The following KLHL29 variants were observed in gnomAD, a reference collection of about 807,000 sequenced individuals.
KLHL29 encodes the protein kelch-like protein 29.
KLHL29 carries 21 observed loss-of-function variants against 80.4 expected under a neutral mutation model. The ratio of observed to expected loss-of-function variants is 0.26; its 90% CI spans 0.19 to 0.38. KLHL29 has a LOEUF of 0.38. KLHL29 is among the 10% of genes least tolerant of loss of function. The probability of loss-of-function intolerance (pLI) is 1.00; values close to 1 mark genes in which losing one functional copy is unlikely to be tolerated. For synonymous variants in KLHL29, 511 were observed against 526.8 expected (o/e 0.97, Z 0.41); for missense variants, 867 against 1,223.9 (o/e 0.71, Z 4.35).
chr2:23,537,142 G>T (rs549213554), intron 2 of KLHL29, among the ~76,000 whole-genome samples: 10 of 152,128 alleles, frequency 6.6e-5, no homozygotes, highest in Non-Finnish European at 1.2e-4. Flanking sequence ...ATTTGCATTT[G>T]TCCTGAGTTC....
chr2:23,449,222 A>G (rs1274453530), intron 1 of KLHL29, among the ~76,000 whole-genome samples: 3 of 152,110 alleles, frequency 2.0e-5, no homozygotes, highest in Admixed American at 1.3e-4. Flanking sequence ...GCTCTAGTCC[A>G]TGTGTCTGTA....
At chr2:23,543,130 T>C (rs1263409169) in intron 2 of KLHL29, among the ~76,000 whole-genome samples, 2 of 152,068 alleles carry the variant, frequency 1.3e-5, no homozygotes, top group Admixed American at 1.3e-4. Flanking sequence ...CTGCGCCTCA[T>C]CCTCCTCTGC....
chr2:23,705,073 C>G (rs970692036), intron 13 of KLHL29, among the ~76,000 whole-genome samples: 1 of 152,242 alleles, frequency 6.6e-6, no homozygotes, highest in Non-Finnish European at 1.5e-5. Flanking sequence ...AGCCATACTT[C>G]CATGTCATGT....
intron 3 of KLHL29, among the ~76,000 whole-genome samples, chr2:23,598,571 A>G (rs1668486922): frequency 6.6e-6 from 1 of 152,180 alleles, no homozygotes; most frequent in Non-Finnish European, 1.5e-5. Flanking sequence ...CATAGTCACA[A>G]AAAGAACTGA....
intron 6 of KLHL29, among the ~76,000 whole-genome samples, chr2:23,685,024 G>A (rs575585193): frequency 4.6e-5 from 7 of 152,332 alleles, no homozygotes; most frequent in Admixed American, 2.6e-4. Flanking sequence ...AGGTGCCCCC[G>A]GGGCTGCTTT....
chr2:23,576,043 G>A lies in KLHL29; in HGVS notation c.285+13562G>A, dbSNP rs902844170. 4.6e-5 allele frequency among the ~76,000 whole-genome samples: 7 copies of A among 152,212 alleles called. No homozygotes were observed. The South Asian group carries it at 1.0e-3, about 22-fold the overall frequency. On this transcript the variant is annotated intron_variant, in intron 3 of 13. Coordinates refer to ENST00000486442, the MANE Select transcript of KLHL29 (RefSeq NM_052920.2). ...AGGGGGGCCGCGCCCAGTGGCTCAC[G>A]CCTGGAGTCCCAACACCTTGGGAGG...
At chr2:23,431,537 C>T (rs1048243142) in intron 1 of KLHL29, among the ~76,000 whole-genome samples, 2 of 152,216 alleles carry the variant, frequency 1.3e-5, no homozygotes, top group African/African-American at 4.8e-5. Flanking sequence ...CAGTAGCTGC[C>T]GTGAACATGG....
At position 23,503,580 on chromosome 2, in the gene KLHL29, G is replaced by A. The variant is rs1446217440; in HGVS notation, c.-46+27913G>A. On this transcript the variant is annotated intron_variant, in intron 2 of 13. Coordinates refer to ENST00000486442, the MANE Select transcript of KLHL29 (RefSeq NM_052920.2). The surrounding 1 kb of genome is among the most constrained non-coding windows in gnomAD (Gnocchi z 4.0). Reference sequence around the variant, plus strand: ...TGCCGCTACACACCACGAGCCCACCGAGACTGCTGCAGCCTCGCTCATCCA... The same window carrying A: ...TGCCGCTACACACCACGAGCCCACCAAGACTGCTGCAGCCTCGCTCATCCA... 5.9e-5 allele frequency among the ~76,000 whole-genome samples: 9 copies of A among 152,090 alleles called. No homozygotes were observed. In the East Asian group the frequency reaches 9.6e-4, roughly 16 times the overall value.
At chr2:23,391,824 A>G (rs1279332416) in intron 1 of KLHL29, among the ~76,000 whole-genome samples, 1 of 152,248 alleles carries the variant, frequency 6.6e-6, no homozygotes, top group Admixed American at 6.5e-5. Context: ...AATACTGTCC[A>G]ATAAAGAATG....
intron 7 of KLHL29, 102 bp from the exon 8 acceptor site, chr2:23,693,167 C>T (rs74724258): frequency 1.1e-5 from 14 of 1,274,034 alleles, no homozygotes; most frequent in Admixed American, 5.1e-5. Flanking sequence ...CAGGGTCCCC[C>T]GGGATGTGGG....
At chr2:23,569,950 G>T (rs1001047991) in intron 3 of KLHL29, among the ~76,000 whole-genome samples, 1 of 152,214 alleles carries the variant, frequency 6.6e-6, no homozygotes, top group African/African-American at 2.4e-5. Context: ...AGTCTCTGCA[G>T]AGAGGAGCTG....
chr2:23,626,077 T>G (rs1669300361), intron 3 of KLHL29, among the ~76,000 whole-genome samples: 1 of 151,782 alleles, frequency 6.6e-6, no homozygotes, highest in Non-Finnish European at 1.5e-5. Context: ...AGAGAATTTT[T>G]CCATGCATGG....
intron 5 of KLHL29, among the ~76,000 whole-genome samples, chr2:23,663,010 A>C (rs1670455313): frequency 1.3e-5 from 2 of 152,166 alleles, no homozygotes; most frequent in African/African-American, 4.8e-5. Context: ...AATGGGGGCA[A>C]TCTGTCATAG....
At chr2:23,600,515 G>T (rs1364516210) in intron 3 of KLHL29, among the ~76,000 whole-genome samples, 1 of 152,212 alleles carries the variant, frequency 6.6e-6, no homozygotes, top group Non-Finnish European at 1.5e-5. Flanking sequence ...CACTTCATCT[G>T]CCAGATTCTA....
rs558454968 is a variant in KLHL29 at position 23,562,344 on chromosome 2, C to T, written c.148C>T (p.Arg50Trp). 85 of 1,543,824 alleles carry T rather than the reference C, an allele frequency of 5.5e-5. No homozygotes were observed. Among genetic ancestry groups the T allele is most frequent in the Middle Eastern group, 3.3e-4 (2 of 6,006 alleles). Reference sequence around the variant, plus strand: ...CGGCACAGCCAGCAGCCTCAGCGTCCGGCCCGGCCTCCTGCCGCTGCCCGT... The same window carrying T: ...CGGCACAGCCAGCAGCCTCAGCGTCTGGCCCGGCCTCCTGCCGCTGCCCGT... ...GGGTASSLSV[R>W]PGLLPLPVVP... The change falls in exon 3 of 14, where the codon CGG becomes TGG. Residue 50 changes from arginine to tryptophan, a missense_variant. Physicochemically the swap from Arg to Trp is moderately radical, Grantham distance 101 (BLOSUM62 -3). This residue lies in a region of KLHL29 where 424 missense variants were observed against 456.9 expected (regional missense o/e 0.93). Coordinates refer to ENST00000486442, the MANE Select transcript of KLHL29 (RefSeq NM_052920.2). This position sits in a 1 kb window ranked among gnomAD's most constrained non-coding sequence, Gnocchi z 4.5.
chr2:23,673,850 C>T (rs1670849773), intron 5 of KLHL29, among the ~76,000 whole-genome samples: 1 of 96,440 alleles, frequency 1.0e-5, no homozygotes, highest in African/African-American at 2.9e-5. Flanking sequence ...ATGTTCACAC[C>T]CACACCCTTG....
intron 2 of KLHL29, among the ~76,000 whole-genome samples, chr2:23,560,883 A>G (rs1709339): frequency 0.68 from 102,743 of 152,196 alleles, 35,172 homozygotes; most frequent in East Asian, 0.8. Flanking sequence ...GTCTGCAGTA[A>G]GAACAGGCTT....
At chr2:23,403,631 A>G (rs1044885688) in intron 1 of KLHL29, among the ~76,000 whole-genome samples, 2 of 152,140 alleles carry the variant, frequency 1.3e-5, no homozygotes, top group Non-Finnish European at 2.9e-5. Flanking sequence ...TGGACTGCAG[A>G]GTTTGCAATT....
chr2:23,452,580 TGCCATCA>T (rs1453250036), intron 1 of KLHL29, among the ~76,000 whole-genome samples: 17 of 152,284 alleles, frequency 1.1e-4, no homozygotes, highest in African/African-American at 3.6e-4. Flanking sequence ...GGTTCACTCA[TGCCATCA>T]GCCCCGCCTT....
Sources: gnomAD v4.1 joint callset for allele counts (sites outside exome capture counted in the v4.1 genomes callset) on GRCh38, gnomAD v4.1.1 for gene constraint, gnomAD v4.1.1 regional missense constraint, Gnocchi (gnomAD v3.1) non-coding constraint, MANE v1.5 for transcripts, NCBI Gene and HGNC (gene_info 2026-07-23, HGNC 2026-07-21) for gene names.